Variants in PRKCA observed in about 807,000 individuals in gnomAD.
The protein encoded by PRKCA is protein kinase C alpha type.
Under a neutral mutation model 87.0 loss-of-function variants are expected in PRKCA, and 27 were observed. That is an observed-to-expected ratio of 0.31 (90% CI 0.23 to 0.43). The LOEUF (loss-of-function observed/expected upper bound fraction) is 0.43. Among genes scored for constraint, PRKCA ranks in the 20% least tolerant of loss-of-function variants. The pLI, the probability that PRKCA is intolerant of heterozygous loss-of-function variation, is 1.00. For missense variants in PRKCA, 518 were observed against 852.3 expected (o/e 0.61, Z 4.88); for synonymous variants, 329 against 311.1 (o/e 1.06, Z -0.61).
intron 3 of PRKCA, among the ~76,000 whole-genome samples, chr17:66,606,473 T>C (rs570641150): frequency 2.0e-4 from 30 of 152,102 alleles, no homozygotes; most frequent in Non-Finnish European, 3.5e-4. Context: ...CTCATACGAA[T>C]GTATAAGGAC....
chr17:66,553,314 A>G (rs537629285), intron 3 of PRKCA, among the ~76,000 whole-genome samples: 3 of 152,250 alleles, frequency 2.0e-5, no homozygotes, highest in South Asian at 4.1e-4. Flanking sequence ...TGACTCCCCT[A>G]TGCTCAAATG....
chr17:66,727,663 CTTGTATTATTCCTGTT>C (rs1471769294), intron 8 of PRKCA, among the ~76,000 whole-genome samples: 11 of 152,146 alleles, frequency 7.2e-5, no homozygotes, highest in Admixed American at 2.0e-4. Flanking sequence ...CTGCTACCAC[CTTGTATTATTCCTGTT>C]TGAGTTTTCT....
At chr17:66,473,314 A>G (rs1274279187) in intron 2 of PRKCA, among the ~76,000 whole-genome samples, 1 of 151,864 alleles carries the variant, frequency 6.6e-6, no homozygotes, top group Non-Finnish European at 1.5e-5. Context: ...TTACCCCTTC[A>G]CATGCATGTG....
chr17:66,768,557 C>G (rs1311417287), intron 13 of PRKCA, among the ~76,000 whole-genome samples: 1 of 152,140 alleles, frequency 6.6e-6, no homozygotes, highest in African/African-American at 2.4e-5. Flanking sequence ...AGAAGCTTAA[C>G]AAGAAGCATG....
chr17:66,804,121 G>A lies in PRKCA; in HGVS notation c.*84G>A. ...GAATCCTTAACCCTAAAATTTTAAG[G>A]CCACGGCCTTGTGTCTGATTCCATA... On this transcript the variant is annotated 3_prime_UTR_variant, in exon 17 of 17. Transcript: ENST00000413366. The A allele has an allele frequency of 1.3e-6, 2 of 1,514,866 alleles. No homozygotes were observed. Among genetic ancestry groups the A allele is most frequent in the South Asian group, 1.3e-5 (1 of 77,064 alleles). The allele number at this position is 1,514,866 out of a possible 1,614,324, so 93.8% of individuals were successfully genotyped here.
At position 66,774,593 on chromosome 17, in the gene PRKCA, C is replaced by G. The variant is rs778004957; in HGVS notation, c.1605+526C>G. The G allele has an allele frequency of 1.5e-4, 144 of 982,902 alleles. 1 individual carries two copies. The highest frequency in any genetic ancestry group is 2.3e-4 in the Admixed American group (4 of 17,526). The allele number at this position is 982,902 out of a possible 1,614,324, so 60.9% of individuals were successfully genotyped here. ...CCAAGATCGTGCCACTGCACTGCAG[C>G]CTGGGCAACAGAGTGAGACGGTCTC... is the stretch of plus-strand genomic sequence containing the variant. On this transcript the variant is annotated intron_variant, in intron 14 of 16. Coordinates refer to ENST00000413366, the MANE Select transcript of PRKCA (RefSeq NM_002737.3).
At chr17:66,666,453 T>C (rs548023558) in intron 5 of PRKCA, among the ~76,000 whole-genome samples, 9 of 152,182 alleles carry the variant, frequency 5.9e-5, no homozygotes, top group African/African-American at 1.9e-4. Flanking sequence ...TTTGAACATA[T>C]TCATACTGGA....
At chr17:66,556,527 A>C (rs1469376138) in intron 3 of PRKCA, among the ~76,000 whole-genome samples, 1 of 152,148 alleles carries the variant, frequency 6.6e-6, no homozygotes, top group African/African-American at 2.4e-5. Context: ...TTTGAAAGGC[A>C]GTTGAATGTG....
At chr17:66,310,674 A>T (rs1214681472) in intron 2 of PRKCA, among the ~76,000 whole-genome samples, 2 of 152,080 alleles carry the variant, frequency 1.3e-5, no homozygotes, top group Non-Finnish European at 2.9e-5. Context: ...TTAAGGGAAG[A>T]AAAAAAAGAA....
At chr17:66,531,445 C>G (rs1056848496) in intron 3 of PRKCA, among the ~76,000 whole-genome samples, 2 of 152,208 alleles carry the variant, frequency 1.3e-5, no homozygotes, top group African/African-American at 4.8e-5. Context: ...TGCCAGAACT[C>G]CCCCATTGAC....
chr17:66,541,731 T>C (rs1340551200), intron 3 of PRKCA, among the ~76,000 whole-genome samples: 1 of 152,238 alleles, frequency 6.6e-6, no homozygotes, highest in Non-Finnish European at 1.5e-5. Flanking sequence ...TAAGTAAAAA[T>C]GACACAGCTT....
chr17:66,397,608 G>A (rs528333416), intron 2 of PRKCA, among the ~76,000 whole-genome samples: 30 of 152,004 alleles, frequency 2.0e-4, no homozygotes, highest in Non-Finnish European at 3.8e-4. Context: ...GTGGTTTGTC[G>A]TTGCCCTTTT....
At chr17:66,441,896 C>G (rs1199461659) in intron 2 of PRKCA, among the ~76,000 whole-genome samples, 1 of 152,094 alleles carries the variant, frequency 6.6e-6, no homozygotes, top group Non-Finnish European at 1.5e-5. Context: ...TATACCACGG[C>G]ATTTCACTCC....
At chr17:66,667,857 G>A (rs566196956) in intron 5 of PRKCA, among the ~76,000 whole-genome samples, 8 of 152,278 alleles carry the variant, frequency 5.3e-5, no homozygotes, top group African/African-American at 1.9e-4. Context: ...TGCATTTCTG[G>A]ATTGAATTGC....
At chr17:66,714,283 G>A (rs1478835983) in intron 8 of PRKCA, among the ~76,000 whole-genome samples, 1 of 151,650 alleles carries the variant, frequency 6.6e-6, no homozygotes, top group Non-Finnish European at 1.5e-5. Context: ...CAAGCTGCCA[G>A]GCCTCATGCA....
At chr17:66,594,332 C>T (rs909323106) in intron 3 of PRKCA, among the ~76,000 whole-genome samples, 2 of 152,166 alleles carry the variant, frequency 1.3e-5, no homozygotes, top group African/African-American at 4.8e-5. Flanking sequence ...CTAAGGACTG[C>T]AGGATGTTTT....
At chr17:66,553,260 C>G (rs1027420127) in intron 3 of PRKCA, among the ~76,000 whole-genome samples, 2 of 152,110 alleles carry the variant, frequency 1.3e-5, no homozygotes. Context: ...GGGATTATAG[C>G]GTGAGCCACC....
chr17:66,428,570 C>A (rs1912937536), intron 2 of PRKCA, among the ~76,000 whole-genome samples: 1 of 150,468 alleles, frequency 6.6e-6, no homozygotes, highest in Admixed American at 6.6e-5. Context: ...GTGGCACAAT[C>A]TTGGCTCACT....
intron 2 of PRKCA, among the ~76,000 whole-genome samples, chr17:66,345,568 C>G (rs932211948): frequency 6.6e-6 from 1 of 152,146 alleles, no homozygotes; most frequent in Non-Finnish European, 1.5e-5. Flanking sequence ...AGCTGGCTTT[C>G]CTGGAGCTCC....
Sources: gnomAD v4.1 joint callset for allele counts (sites outside exome capture counted in the v4.1 genomes callset) on GRCh38, gnomAD v4.1.1 for gene constraint, MANE v1.5 for transcripts, NCBI Gene and HGNC (gene_info 2026-07-23, HGNC 2026-07-21) for gene names.